CDH8: variants seen among roughly 807,000 people sequenced by gnomAD.
CDH8 encodes the protein cadherin-8.
CDH8 carries 17 observed loss-of-function variants against 68.1 expected under a neutral mutation model. The observed-to-expected ratio is 0.25, with a 90% CI of 0.17 to 0.37. CDH8 has a LOEUF of 0.37. Among genes scored for constraint, CDH8 ranks in the 10% least tolerant of loss-of-function variants. The pLI is 1.00. For synonymous variants in CDH8, 372 were observed against 365.1 expected (o/e 1.02, Z -0.21); for missense variants, 763 against 999.3 (o/e 0.76, Z 3.19).
chr16:62,003,128 G>A (rs939862346), intron 2 of CDH8, among the ~76,000 whole-genome samples: 2 of 152,162 alleles, frequency 1.3e-5, no homozygotes, highest in Non-Finnish European at 2.9e-5. Flanking sequence ...ATAAGTATGG[G>A]GTTTTGGTAG....
chr16:61,908,542 A>G (rs115752317), intron 2 of CDH8, among the ~76,000 whole-genome samples: 18 of 152,352 alleles, frequency 1.2e-4, no homozygotes, highest in African/African-American at 4.1e-4. Flanking sequence ...TTCATACTAC[A>G]GAATATCTCA....
rs78920972 is a variant in CDH8, at chr16:61,932,959, T to C, written c.253-31486A>G. 4.0e-3 allele frequency among the ~76,000 whole-genome samples: 604 copies of C among 152,252 alleles called. 7 individuals carry two copies. The highest frequency in any genetic ancestry group is 0.01 in the African/African-American group (430 of 41,540). The stretch of plus-strand genomic sequence containing the variant: ...TTGAGGTTGTGATCCAGGAAGCCGT[T>C]GGACACACTTTGAGAAGCAATGCAG... On this transcript the variant is annotated intron_variant, in intron 2 of 11. Transcript: ENST00000577390.
chr16:61,869,446 T>A (rs1468481695), intron 3 of CDH8, among the ~76,000 whole-genome samples: 1 of 152,168 alleles, frequency 6.6e-6, no homozygotes, highest in African/African-American at 2.4e-5. Flanking sequence ...ACATGATGAA[T>A]AGCCCAACTT....
At position 62,033,216 on chromosome 16, in the gene CDH8, A is replaced by T. The variant is rs191212257; in HGVS notation, c.-200+2864T>A. Among the ~76,000 whole-genome samples, 680 of 152,320 alleles carry T rather than the reference A, an allele frequency of 4.5e-3. 5 individuals are homozygous for T. The highest frequency in any genetic ancestry group is 5.2e-3 in the Non-Finnish European group (355 of 68,030). The stretch of plus-strand genomic sequence containing the variant: ...TTTGTTTTACATCGATCATGCTGCC[A>T]TTGGCTACTTAAATTGTGTTCAGTG... On this transcript the variant is annotated intron_variant, in intron 1 of 11. Transcript: ENST00000577390.
At chr16:61,751,998 C>G (rs1042324154) in intron 8 of CDH8, among the ~76,000 whole-genome samples, 1 of 152,078 alleles carries the variant, frequency 6.6e-6, no homozygotes, top group African/African-American at 2.4e-5. Context: ...GCTTACTACT[C>G]CAGACACTTT....
intron 2 of CDH8, among the ~76,000 whole-genome samples, chr16:61,961,358 G>A (rs1474246796): frequency 6.6e-6 from 1 of 151,804 alleles, no homozygotes; most frequent in Non-Finnish European, 1.5e-5. Context: ...TTCGCCCACT[G>A]AACATCTCCA....
chr16:61,871,249 C>A (rs970624540), intron 3 of CDH8, among the ~76,000 whole-genome samples: 1 of 151,870 alleles, frequency 6.6e-6, no homozygotes, highest in African/African-American at 2.4e-5. Flanking sequence ...GGTACCATAA[C>A]AACTCACTGC....
intron 7 of CDH8, among the ~76,000 whole-genome samples, chr16:61,791,341 A>T (rs892749363): frequency 2.6e-5 from 4 of 152,024 alleles, no homozygotes; most frequent in Admixed American, 6.6e-5. Flanking sequence ...TTATGGAAAG[A>T]AGACCAAAAG....
intron 11 of CDH8, among the ~76,000 whole-genome samples, chr16:61,654,975 A>G (rs1963409756): frequency 6.6e-6 from 1 of 152,242 alleles, no homozygotes; most frequent in South Asian, 2.1e-4. Context: ...TATGAAGGAA[A>G]ATATCAGAGA....
intron 7 of CDH8, among the ~76,000 whole-genome samples, chr16:61,800,066 G>A (rs1418133931): frequency 1.3e-5 from 2 of 152,032 alleles, no homozygotes; most frequent in Non-Finnish European, 2.9e-5. Flanking sequence ...GCACCACCAC[G>A]CCCGGCTATT....
At chr16:61,965,841 T>A (rs1965240333) in intron 2 of CDH8, among the ~76,000 whole-genome samples, 1 of 152,194 alleles carries the variant, frequency 6.6e-6, no homozygotes, top group African/African-American at 2.4e-5. Flanking sequence ...ATAACATATG[T>A]TAATTCCTTT....
In CDH8 at chr16:61,993,658, CCT is replaced by C. The variant is rs1475392536; in HGVS notation, c.252+27492_252+27493del. 3.3e-5 allele frequency among the ~76,000 whole-genome samples: 5 copies of C among 152,200 alleles called. No individual in the cohort carries two copies. The East Asian group carries it at 9.7e-4, about 29-fold the overall frequency. ...AGCAAAAAGTCCCCTAACACAGCCC[CCT>C]GTCCTCCAGTTCCTCCTTCCAGAAG... is the stretch of plus-strand genomic sequence containing the variant. On this transcript the variant is annotated intron_variant, in intron 2 of 11. Transcript: ENST00000577390.
intron 10 of CDH8, among the ~76,000 whole-genome samples, chr16:61,696,340 G>T (rs1250234848): frequency 2.0e-5 from 3 of 152,164 alleles, no homozygotes; most frequent in Non-Finnish European, 4.4e-5. Context: ...GGTCTCAAAG[G>T]TGCAGTTAAC....
chr16:61,850,268 C>T (rs1962911183), intron 4 of CDH8, among the ~76,000 whole-genome samples: 2 of 151,856 alleles, frequency 1.3e-5, no homozygotes, highest in Admixed American at 1.3e-4. Context: ...TGCCAGGCTC[C>T]CTTAAACAAC....
At chr16:61,904,478 G>C (rs1964030863) in intron 2 of CDH8, among the ~76,000 whole-genome samples, 1 of 152,192 alleles carries the variant, frequency 6.6e-6, no homozygotes, top group African/African-American at 2.4e-5. Flanking sequence ...ACTAATTCTG[G>C]TCCAGGCCTC....
chr16:61,946,893 C>A (rs1964811054), intron 2 of CDH8, among the ~76,000 whole-genome samples: 1 of 152,132 alleles, frequency 6.6e-6, no homozygotes, highest in South Asian at 2.1e-4. Context: ...TTGGGTGATG[C>A]AGAACAATCT....
In CDH8 at chr16:61,903,954, T is replaced by A. The variant is rs559067145; in HGVS notation, c.253-2481A>T. 1.8e-3 allele frequency among the ~76,000 whole-genome samples: 265 copies of A among 147,720 alleles called. 1 individual carries two copies. The highest frequency in any genetic ancestry group is 0.013 in the South Asian group (60 of 4,700). On this transcript the variant is annotated intron_variant, in intron 2 of 11. Transcript: ENST00000577390. Reference sequence around the variant, plus strand: ...CAGCTTTTAAATATACAGCACTTTTTAAAAAAAAAAAAATGAGGTATATAC... The same window carrying A: ...CAGCTTTTAAATATACAGCACTTTTAAAAAAAAAAAAAATGAGGTATATAC...
chr16:61,807,229 A>G (rs1323246368), intron 7 of CDH8, among the ~76,000 whole-genome samples: 1 of 150,730 alleles, frequency 6.6e-6, no homozygotes, highest in Non-Finnish European at 1.5e-5. Context: ...AGAACAAAAA[A>G]CCAAACATGG....
At chr16:61,886,807 TC>T in intron 3 of CDH8, among the ~76,000 whole-genome samples, 1 of 152,188 alleles carries the variant, frequency 6.6e-6, no homozygotes, top group Non-Finnish European at 1.5e-5. Flanking sequence ...CTCCTAGTTT[TC>T]CTGGCAAATA....
Sources: gnomAD v4.1 joint callset for allele counts (sites outside exome capture counted in the v4.1 genomes callset) on GRCh38, gnomAD v4.1.1 for gene constraint, MANE v1.5 for transcripts, NCBI Gene and HGNC (gene_info 2026-07-23, HGNC 2026-07-21) for gene names.